The following VAC14 variants were observed in gnomAD, a reference collection of about 807,000 sequenced individuals.
VAC14 encodes the protein VAC14 component of PIKFYVE complex.
Under a neutral mutation model 85.3 loss-of-function variants are expected in VAC14, and 47 were observed. That is an observed-to-expected ratio of 0.55 (90% CI 0.44 to 0.70). The LOEUF is 0.70. Among genes scored for constraint, VAC14 ranks in the 30% least tolerant of loss-of-function variants. The pLI is 0.00. For missense variants in VAC14, 861 were observed against 1,004.3 expected (o/e 0.86, Z 1.93); for synonymous variants, 447 against 430.5 (o/e 1.04, Z -0.47).
At chr16:70,769,083 T>A (rs900903816) in intron 10 of VAC14, 1 of 237,396 alleles carries the variant, frequency 4.2e-6, no homozygotes, top group Non-Finnish European at 8.4e-6. Context: ...CCCAAAATGC[T>A]GGGATTATAA....
At chr16:70,700,745 G>T (rs189975017) in intron 14 of VAC14, among the ~76,000 whole-genome samples, 1 of 152,328 alleles carries the variant, frequency 6.6e-6, no homozygotes, top group East Asian at 1.9e-4. Context: ...CTGTCTCCAT[G>T]GCTGTGGGAC....
chr16:70,714,103 AGGGCCCATCCT>A (rs970936187), intron 14 of VAC14: 4 of 152,132 alleles, frequency 2.6e-5, no homozygotes, highest in African/African-American at 9.7e-5. Flanking sequence ...TACCAGGCCC[AGGGCCCATCCT>A]GGGGGCCTGC....
In VAC14 at chr16:70,697,237, G is replaced by A. The variant is rs1180167539; in HGVS notation, c.1857C>T (p.Cys619=). ...TGTGGCACCAGGAGCGGTACAGGCA[G>A]CAGAACAGGTTCTGGCTCTCCTGTG... ...LKTLESQNLF[C]CLYRSWCHNP... The change falls in exon 16 of 19, where the codon TGC becomes TGT. Residue 619 remains cysteine, a synonymous_variant. Transcript: ENST00000261776. 6.2e-7 allele frequency: 1 copy of A among 1,613,754 alleles called. No homozygotes were observed. Among genetic ancestry groups the A allele is most frequent in the Admixed American group, 1.7e-5 (1 of 60,002 alleles).
chr16:70,774,050 C>T (rs1167985499), intron 9 of VAC14, among the ~76,000 whole-genome samples: 1 of 152,032 alleles, frequency 6.6e-6, no homozygotes, highest in Admixed American at 6.6e-5. Context: ...GCTGGGATTA[C>T]AGGCGTGAGC....
intron 13 of VAC14, among the ~76,000 whole-genome samples, chr16:70,740,621 A>C (rs1055526059): frequency 6.6e-6 from 1 of 152,076 alleles, no homozygotes; most frequent in South Asian, 2.1e-4. Context: ...CCCTGAGTGG[A>C]GACAGGAAAT....
chr16:70,784,944 G>A, intron 3 of VAC14, 106 bp from the exon 4 acceptor site: 1 of 957,216 alleles, frequency 1.0e-6, no homozygotes, highest in Non-Finnish European at 1.7e-6. Context: ...GTGCAGCCCA[G>A]AACATCTAGC....
chr16:70,799,030 C>G (rs1026480337), intron 1 of VAC14, among the ~76,000 whole-genome samples: 1 of 152,196 alleles, frequency 6.6e-6, no homozygotes. Flanking sequence ...AAAGACAAAA[C>G]CCTTACAGAA....
At chr16:70,730,611 T>TC (rs1465976446) in intron 14 of VAC14, among the ~76,000 whole-genome samples, 4 of 149,806 alleles carry the variant, frequency 2.7e-5, no homozygotes, top group African/African-American at 7.4e-5. Context: ...TTTTTTTTTT[T>TC]TTTGGAGACA....
chr16:70,761,121 G>A (rs540839956), intron 12 of VAC14: 1 of 452,500 alleles, frequency 2.2e-6, no homozygotes, highest in Admixed American at 2.4e-5. Context: ...GGACCTAGAG[G>A]TTGATACCTG....
Position 70,688,008 on chromosome 16 carries a change from T to G in VAC14, c.2269A>C (p.Lys757Gln). 6.2e-7 allele frequency: 1 copy of G among 1,606,474 alleles called. No homozygotes were observed. Among genetic ancestry groups the G allele is most frequent in the Non-Finnish European group, 8.5e-7 (1 of 1,175,670 alleles). The stretch of plus-strand genomic sequence containing the variant: ...ACTTCCAGGTGCTTGTTCTGGACCT[T>G]CTCAAAGTGCTGCAGCAGCTCTGCG... ...DYAELLQHFE[K>Q]VQNKHLEVRH... The change falls in exon 19 of 19, where the codon AAG becomes CAG. Residue 757 changes from lysine to glutamine, a missense_variant. Coordinates refer to ENST00000261776, the MANE Select transcript of VAC14 (RefSeq NM_018052.5).
intron 18 of VAC14, chr16:70,692,117 C>T (rs942443824): frequency 2.0e-6 from 2 of 981,074 alleles, no homozygotes; most frequent in African/African-American, 3.6e-5. Context: ...CCAAGGGTTA[C>T]CAAATATAGA....
chr16:70,787,811 G>A (rs2034139357), intron 1 of VAC14, among the ~76,000 whole-genome samples: 1 of 152,232 alleles, frequency 6.6e-6, no homozygotes, highest in African/African-American at 2.4e-5. Context: ...GTACAGCAGC[G>A]GGATGGGCTG....
At chr16:70,785,677 T>TGAGGAG in intron 3 of VAC14, 25 bp downstream of exon 3, 2 of 1,536,076 alleles carry the variant, frequency 1.3e-6, no homozygotes, top group Non-Finnish European at 1.8e-6. Context: ...CGCAGCTCAG[T>TGAGGAG]GAGGAGGAGG....
chr16:70,692,017 C>G, intron 18 of VAC14: 8 of 984,794 alleles, frequency 8.1e-6, no homozygotes, highest in Non-Finnish European at 9.6e-6. Context: ...CAGCGTAAAT[C>G]TTCTCAGTGG....
At chr16:70,791,555 T>G (rs911024699) in intron 1 of VAC14, among the ~76,000 whole-genome samples, 3 of 152,158 alleles carry the variant, frequency 2.0e-5, no homozygotes, top group Non-Finnish European at 4.4e-5. Flanking sequence ...TGGCTAATTT[T>G]TTCTATTTTT....
chr16:70,770,120 C>T (rs1158962697), intron 10 of VAC14: 1 of 152,382 alleles, frequency 6.6e-6, no homozygotes, highest in Non-Finnish European at 1.5e-5. Context: ...ACCCCACCCA[C>T]ACCTGCTCCT....
At chr16:70,717,804 GCTCA>G (rs2054199337) in intron 14 of VAC14, among the ~76,000 whole-genome samples, 1 of 152,162 alleles carries the variant, frequency 6.6e-6, no homozygotes, top group Non-Finnish European at 1.5e-5. Flanking sequence ...ATGCCACCAT[GCTCA>G]GTTAATTATA....
chr16:70,783,754 ACT>A (rs1031038263), intron 5 of VAC14, among the ~76,000 whole-genome samples, 200 bp from the exon 6 acceptor site: 4 of 152,062 alleles, frequency 2.6e-5, no homozygotes, highest in African/African-American at 9.7e-5. Context: ...TGGCAATTTG[ACT>A]CTAAGGAAAT....
At chr16:70,689,027 G>C in intron 18 of VAC14, 1 of 985,262 alleles carries the variant, frequency 1.0e-6, no homozygotes, top group Non-Finnish European at 1.2e-6. Flanking sequence ...AGAGAGTCTT[G>C]GGGCCCTTCA....
Sources: allele counts gnomAD v4.1 joint callset (sites outside exome capture counted in the v4.1 genomes callset), GRCh38; gene constraint gnomAD v4.1.1; transcripts MANE v1.5; gene names NCBI Gene and HGNC (gene_info 2026-07-23, HGNC 2026-07-21).